The following MAP2K5 variants were observed in gnomAD, a reference collection of about 807,000 sequenced individuals.
MAP2K5 encodes the protein dual specificity mitogen-activated protein kinase kinase 5.
MAP2K5 carries 49 observed loss-of-function variants against 83.1 expected under a neutral mutation model. The ratio of observed to expected loss-of-function variants is 0.59; its 90% CI spans 0.47 to 0.75. The LOEUF is 0.75. Ranked by LOEUF, MAP2K5 falls within the 30% of genes least tolerant of loss-of-function variation. The pLI, the probability that MAP2K5 is intolerant of heterozygous loss-of-function variation, is 0.00. For missense variants in MAP2K5, 457 were observed against 557.5 expected (o/e 0.82, Z 1.82); for synonymous variants, 202 against 191.8 (o/e 1.05, Z -0.44).
chr15:67,740,563 A>G (rs1452241004), intron 17 of MAP2K5, among the ~76,000 whole-genome samples: 1 of 152,072 alleles, frequency 6.6e-6, no homozygotes, highest in African/African-American at 2.4e-5. Context: ...ACTGCACCCC[A>G]TCTTGAGCAA....
intron 15 of MAP2K5, among the ~76,000 whole-genome samples, chr15:67,699,571 C>G (rs1174977865): frequency 6.6e-6 from 1 of 152,112 alleles, no homozygotes; most frequent in Admixed American, 6.5e-5. Flanking sequence ...CTAGGTTGGA[C>G]AAGGCACATC....
intron 13 of MAP2K5, among the ~76,000 whole-genome samples, chr15:67,689,992 T>C (rs1178666635): frequency 6.6e-6 from 1 of 152,218 alleles, no homozygotes; most frequent in Admixed American, 6.5e-5. Flanking sequence ...TTGTAAACTT[T>C]GTTAAAACAT....
At chr15:67,670,102 T>G (rs962474345) in intron 13 of MAP2K5, among the ~76,000 whole-genome samples, 2 of 152,152 alleles carry the variant, frequency 1.3e-5, no homozygotes, top group Non-Finnish European at 2.9e-5. Context: ...AGTGGAATAT[T>G]ACTCAGCAAT....
Position 67,778,798 on chromosome 15 carries a change from T to C in MAP2K5, c.1242+6046T>C, listed in dbSNP as rs1198696314. On this transcript the variant is annotated intron_variant, in intron 21 of 21. Coordinates refer to ENST00000178640, the MANE Select transcript of MAP2K5 (RefSeq NM_145160.3). The surrounding 1 kb of genome is among the most constrained non-coding windows in gnomAD (Gnocchi z 5.0). Reference sequence around the variant, plus strand: ...GTTTCGGTTTACTTTGATCCGGGGCTTACCTGTGCCCTGAGCGCAAATATG... The same window carrying C: ...GTTTCGGTTTACTTTGATCCGGGGCCTACCTGTGCCCTGAGCGCAAATATG... Among the ~76,000 whole-genome samples, 4 of 152,312 alleles carry C rather than the reference T, an allele frequency of 2.6e-5. No homozygotes were observed. In the East Asian group the frequency reaches 7.7e-4, roughly 29 times the overall value.
rs542946281 is a variant in MAP2K5, at chr15:67,801,312, G to A, written c.1243-5334G>A. ...TTTACAGGGCAGTCACCTGATCACA[G>A]GGCTGCCCTGTCCCAACAGCAGCTT... On this transcript the variant is annotated intron_variant, in intron 21 of 21. Coordinates refer to ENST00000178640, the MANE Select transcript of MAP2K5 (RefSeq NM_145160.3). This position sits in a 1 kb window ranked among gnomAD's most constrained non-coding sequence, Gnocchi z 4.8. Among the ~76,000 whole-genome samples, 1 of 152,326 alleles carries A rather than the reference G, an allele frequency of 6.6e-6. No individual in the cohort carries two copies. Among genetic ancestry groups the A allele is most frequent in the African/African-American group, 2.4e-5 (1 of 41,570 alleles).
At chr15:67,697,220 A>G (rs1413504001) in intron 15 of MAP2K5, among the ~76,000 whole-genome samples, 2 of 152,190 alleles carry the variant, frequency 1.3e-5, no homozygotes, top group African/African-American at 4.8e-5. Context: ...CTTTATATTC[A>G]TGCATACTTC....
rs2140965765 is a variant in MAP2K5 at position 67,563,387 on chromosome 15, C to G, written c.252+37C>G. The G allele has an allele frequency of 6.3e-7, 1 of 1,587,550 alleles. No homozygotes were observed. The highest frequency in any genetic ancestry group is 1.2e-5 in the South Asian group (1 of 86,378). On this transcript the variant is annotated intron_variant, in intron 3 of 21. Coordinates refer to ENST00000178640, the MANE Select transcript of MAP2K5 (RefSeq NM_145160.3). This position sits in a 1 kb window ranked among gnomAD's most constrained non-coding sequence, Gnocchi z 4.5. The stretch of plus-strand genomic sequence containing the variant: ...ACAAATGAAGACTATTTTTTAAAAT[C>G]TTAACGTGATTGAGGATGCTGTTTC...
intron 21 of MAP2K5, among the ~76,000 whole-genome samples, chr15:67,792,405 AC>A (rs1177920451): frequency 6.6e-6 from 1 of 152,204 alleles, no homozygotes; most frequent in Non-Finnish European, 1.5e-5. Flanking sequence ...CTTTGGGGCT[AC>A]CAGGACTTGA....
At chr15:67,795,500 A>AT (rs1441720176) in intron 21 of MAP2K5, among the ~76,000 whole-genome samples, 1 of 152,190 alleles carries the variant, frequency 6.6e-6, no homozygotes, top group Non-Finnish European at 1.5e-5. Context: ...ATTTAGAAGT[A>AT]TTTTTTATCT....
chr15:67,710,584 A>G (rs1031603279), intron 16 of MAP2K5, among the ~76,000 whole-genome samples: 1 of 146,158 alleles, frequency 6.8e-6, no homozygotes, highest in African/African-American at 2.5e-5. Flanking sequence ...ACTCATTGCA[A>G]CCTCCGCCTC....
chr15:67,750,555 T>C lies in MAP2K5; in HGVS notation c.1134+1954T>C, dbSNP rs551515711. 6.6e-6 allele frequency among the ~76,000 whole-genome samples: 1 copy of C among 152,326 alleles called. No individual in the cohort carries two copies. Among genetic ancestry groups the C allele is most frequent in the South Asian group, 2.1e-4 (1 of 4,830 alleles). On this transcript the variant is annotated intron_variant, in intron 19 of 21. Coordinates refer to ENST00000178640, the MANE Select transcript of MAP2K5 (RefSeq NM_145160.3). The surrounding 1 kb of genome is among the most constrained non-coding windows in gnomAD (Gnocchi z 4.2). The stretch of plus-strand genomic sequence containing the variant: ...AAGGACTGATTGCATCAGAATTACC[T>C]AAGGCTCTTGTTGTAATGCAAATTC...
intron 2 of MAP2K5, among the ~76,000 whole-genome samples, chr15:67,554,200 C>T (rs2084576725): frequency 1.3e-5 from 2 of 152,048 alleles, no homozygotes; most frequent in Admixed American, 6.6e-5. Context: ...GCTGGGACTA[C>T]AGGTGCATGC....
At chr15:67,673,740 A>C (rs1274568693) in intron 13 of MAP2K5, among the ~76,000 whole-genome samples, 1 of 150,130 alleles carries the variant, frequency 6.7e-6, no homozygotes, top group Non-Finnish European at 1.5e-5. Flanking sequence ...CTTTGTAACA[A>C]TCTGTTTTTT....
chr15:67,792,400 G>C (rs2090533103), intron 21 of MAP2K5, among the ~76,000 whole-genome samples: 1 of 152,026 alleles, frequency 6.6e-6, no homozygotes, highest in Non-Finnish European at 1.5e-5. Context: ...TCTGTCTTTG[G>C]GGCTACCAGG....
At chr15:67,669,966 C>T (rs1351147665) in intron 13 of MAP2K5, among the ~76,000 whole-genome samples, 1 of 152,106 alleles carries the variant, frequency 6.6e-6, no homozygotes, top group Admixed American at 6.6e-5. Context: ...GAAAGGAAAA[C>T]ATATGTCCAC....
At chr15:67,593,862 C>A (rs963584394) in intron 7 of MAP2K5, among the ~76,000 whole-genome samples, 1 of 152,220 alleles carries the variant, frequency 6.6e-6, no homozygotes, top group African/African-American at 2.4e-5. Flanking sequence ...ACACACTGAC[C>A]TCTCCAAGCC....
chr15:67,575,241 T>A (rs1209742211), intron 3 of MAP2K5, among the ~76,000 whole-genome samples: 1 of 151,822 alleles, frequency 6.6e-6, no homozygotes, highest in Non-Finnish European at 1.5e-5. Flanking sequence ...TCAAGGAGAG[T>A]GTAAAATGAG....
At chr15:67,692,014 C>T (rs1350732185) in intron 13 of MAP2K5, among the ~76,000 whole-genome samples, 5 of 152,176 alleles carry the variant, frequency 3.3e-5, no homozygotes, top group African/African-American at 1.2e-4. Flanking sequence ...ACCTGTTACC[C>T]GTAGCATATG....
chr15:67,804,187 C>T (rs964256768), intron 21 of MAP2K5, among the ~76,000 whole-genome samples: 1 of 152,168 alleles, frequency 6.6e-6, no homozygotes, highest in African/African-American at 2.4e-5. Flanking sequence ...CTCTCGGGTC[C>T]TACACACTGG....
Sources: gnomAD v4.1 joint callset for allele counts (sites outside exome capture counted in the v4.1 genomes callset) on GRCh38, gnomAD v4.1.1 for gene constraint, Gnocchi (gnomAD v3.1) non-coding constraint, MANE v1.5 for transcripts, NCBI Gene and HGNC (gene_info 2026-07-23, HGNC 2026-07-21) for gene names.